The following CFAP20DC variants were observed in gnomAD, a reference collection of about 807,000 sequenced individuals.
The protein encoded by CFAP20DC is CFAP20 domain containing, also known as protein CFAP20DC.
CFAP20DC carries 84 observed loss-of-function variants against 101.7 expected under a neutral mutation model. That is an observed-to-expected ratio of 0.83 (90% CI 0.69 to 0.99). The LOEUF is 0.99. CFAP20DC is among the 50% of genes least tolerant of loss of function. The pLI, the probability that CFAP20DC is intolerant of heterozygous loss-of-function variation, is 0.00. For synonymous variants in CFAP20DC, 359 were observed against 351.2 expected (o/e 1.02, Z -0.25); for missense variants, 1,007 against 970.3 (o/e 1.04, Z -0.50).
At chr3:58,946,718 C>T (rs990068526) in intron 4 of CFAP20DC, among the ~76,000 whole-genome samples, 3 of 151,892 alleles carry the variant, frequency 2.0e-5, no homozygotes, top group African/African-American at 4.8e-5. Flanking sequence ...CGAATTGGTA[C>T]AAGAGGAAGA....
chr3:59,003,834 G>T (rs2093369758), intron 4 of CFAP20DC, among the ~76,000 whole-genome samples: 1 of 152,154 alleles, frequency 6.6e-6, no homozygotes, highest in Non-Finnish European at 1.5e-5. Context: ...CATACAATAG[G>T]ATGAAGGTTT....
chr3:58,746,308 C>A (rs2068202853), intron 16 of CFAP20DC, among the ~76,000 whole-genome samples: 1 of 152,142 alleles, frequency 6.6e-6, no homozygotes, highest in South Asian at 2.1e-4. Flanking sequence ...CAGGGACCTG[C>A]CATTGGATTC....
rs867078108 is a variant in CFAP20DC at position 58,808,856 on chromosome 3, G to C, written c.2176-2400C>G. ...AGAGACACACATAGGCTCAAAATAA[G>C]AGGATGGAGGAAGATCTACCAAGCA... On this transcript the variant is annotated intron_variant, in intron 14 of 16. Transcript: ENST00000482387. Among the ~76,000 whole-genome samples, 16 of 152,066 alleles carry C rather than the reference G, an allele frequency of 1.1e-4. 1 individual carries two copies. Among genetic ancestry groups the C allele is most frequent in the Non-Finnish European group, 1.5e-5 (1 of 68,016 alleles).
rs1576716668 is a variant in CFAP20DC, at chr3:59,014,320, T to C, written c.278+25237A>G. On this transcript the variant is annotated intron_variant, in intron 4 of 16. Transcript: ENST00000482387. This position sits in a 1 kb window ranked among gnomAD's most constrained non-coding sequence, Gnocchi z 4.9. ...GGAAGAAATGTATCATAAAACATAA[T>C]GTGAAGCTACTTAAAAATAATAAAA... 6.6e-6 allele frequency among the ~76,000 whole-genome samples: 1 copy of C among 152,266 alleles called. No homozygotes were observed. Among genetic ancestry groups the C allele is most frequent in the African/African-American group, 2.4e-5 (1 of 41,560 alleles).
At chr3:58,760,748 T>A (rs947226434) in intron 15 of CFAP20DC, among the ~76,000 whole-genome samples, 2 of 152,066 alleles carry the variant, frequency 1.3e-5, no homozygotes, top group African/African-American at 4.8e-5. Context: ...GCATGAAGGG[T>A]TGTTGAATTT....
At chr3:58,765,490 C>CAAAAAAAAAAAAAAAAAAAAAAAGA (rs1337049385) in intron 15 of CFAP20DC, among the ~76,000 whole-genome samples, 2 of 81,808 alleles carry the variant, frequency 2.4e-5, no homozygotes, top group Non-Finnish European at 5.0e-5. Context: ...AAAAAAAAAC[C>CAAAAAAAAAAAAAAAAAAAAAAAGA]AAAAAAAAAA....
chr3:58,930,823 C>T (rs1576352654), intron 5 of CFAP20DC, among the ~76,000 whole-genome samples: 1 of 152,202 alleles, frequency 6.6e-6, no homozygotes, highest in African/African-American at 2.4e-5. Context: ...CTCCGGTCTA[C>T]AGCTCCCAGC....
Position 58,873,550 on chromosome 3 carries a change from C to T in CFAP20DC, c.716-3241G>A, listed in dbSNP as rs182316290. On this transcript the variant is annotated intron_variant, in intron 7 of 16. Transcript: ENST00000482387. ...ATCAGCTATGCTGGATGGTATAAGG[C>T]GGGTGCTCAAGCAGAAGTCTGGATA... Among the ~76,000 whole-genome samples the T allele has an allele frequency of 5.4e-4, 79 of 145,574 alleles. 1 individual carries two copies. The highest frequency in any genetic ancestry group is 2.0e-3 in the African/African-American group (77 of 38,724).
intron 4 of CFAP20DC, among the ~76,000 whole-genome samples, chr3:58,950,338 A>G (rs1328166915): frequency 2.6e-5 from 4 of 152,234 alleles, no homozygotes; most frequent in African/African-American, 2.4e-5. Flanking sequence ...ATACTGCCCA[A>G]GGTAATTTAT....
Position 58,868,151 on chromosome 3 carries a change from T to C in CFAP20DC, c.1016-215A>G, listed in dbSNP as rs1244229090. ...AGGCTTTCAAAATTACTGAAACACT[T>C]TATTCATGTAATATAACCTTATAGA... On this transcript the variant is annotated intron_variant, in intron 9 of 16. Coordinates refer to ENST00000482387, the MANE Select transcript of CFAP20DC (RefSeq NM_001394063.1). The surrounding 1 kb of genome is among the most constrained non-coding windows in gnomAD (Gnocchi z 4.6). Among the ~76,000 whole-genome samples the C allele has an allele frequency of 6.6e-6, 1 of 152,196 alleles. No individual in the cohort carries two copies. The highest frequency in any genetic ancestry group is 2.4e-5 in the African/African-American group (1 of 41,448).
At chr3:58,772,638 A>T (rs1022772928) in intron 15 of CFAP20DC, among the ~76,000 whole-genome samples, 1 of 152,198 alleles carries the variant, frequency 6.6e-6, no homozygotes, top group African/African-American at 2.4e-5. Flanking sequence ...GATGTTTATT[A>T]CAGCACTGTC....
At chr3:58,814,513 T>A (rs12638612) in intron 14 of CFAP20DC, among the ~76,000 whole-genome samples, 1 of 150,746 alleles carries the variant, frequency 6.6e-6, no homozygotes, top group Non-Finnish European at 1.5e-5. Flanking sequence ...CCAGGGCAAT[T>A]AGGCAGGAGA....
At chr3:58,818,554 A>G (rs997238050) in intron 14 of CFAP20DC, among the ~76,000 whole-genome samples, 35 of 149,860 alleles carry the variant, frequency 2.3e-4, no homozygotes, top group African/African-American at 7.8e-4. Context: ...AGGCCATTAC[A>G]TAATGGTAAA....
At chr3:58,803,555 G>A (rs1001170215) in intron 15 of CFAP20DC, among the ~76,000 whole-genome samples, 24 of 152,164 alleles carry the variant, frequency 1.6e-4, no homozygotes, top group African/African-American at 4.3e-4. Context: ...AATTATATGC[G>A]TTACATGATT....
intron 4 of CFAP20DC, among the ~76,000 whole-genome samples, chr3:59,035,522 T>C (rs1256285700): frequency 7.2e-5 from 11 of 152,140 alleles, no homozygotes; most frequent in Admixed American, 3.3e-4. Context: ...TCACCACTGA[T>C]CCCACAGAAA....
chr3:58,753,400 G>A (rs1189540365), intron 16 of CFAP20DC, among the ~76,000 whole-genome samples: 1 of 152,132 alleles, frequency 6.6e-6, no homozygotes, highest in Non-Finnish European at 1.5e-5. Context: ...AATCGGGGAG[G>A]CACTAACTAT....
At chr3:58,843,809 G>C (rs1248650454) in intron 13 of CFAP20DC, among the ~76,000 whole-genome samples, 60 of 147,546 alleles carry the variant, frequency 4.1e-4, no homozygotes, top group African/African-American at 1.2e-3. Flanking sequence ...ACTAACAGCG[G>C]ATCTCTCGGC....
Position 58,861,826 on chromosome 3 carries a change from CA to C in CFAP20DC, c.1593+1731del. ...ACTGGTCACCTTGATGGGCATGGCACAGGGGTGACCAGATAGCCCTGCCAGT... is the reference window on the plus strand; with the variant it reads ...ACTGGTCACCTTGATGGGCATGGCACGGGGTGACCAGATAGCCCTGCCAGT... On this transcript the variant is annotated intron_variant, in intron 12 of 16. Coordinates refer to ENST00000482387, the MANE Select transcript of CFAP20DC (RefSeq NM_001394063.1). The surrounding 1 kb of genome is among the most constrained non-coding windows in gnomAD (Gnocchi z 4.0). 5.1e-6 allele frequency: 5 copies of C among 985,382 alleles called. No homozygotes were observed. Among genetic ancestry groups the C allele is most frequent in the Non-Finnish European group, 6.0e-6 (5 of 829,904 alleles). The allele number at this position is 985,382 out of a possible 1,614,324, so 61.0% of individuals were successfully genotyped here. A position where few individuals can be genotyped will look rare whatever the true frequency, so the allele number is the denominator to read the frequency against.
Position 58,827,687 on chromosome 3 carries a change from C to CT in CFAP20DC, c.2175+3998dup, listed in dbSNP as rs545313099. ...TCCCTGAAACCCACATGCGGAATCA[C>CT]TCCCTCTCACGTGTTCCCATAACTC... is the stretch of plus-strand genomic sequence containing the variant. On this transcript the variant is annotated intron_variant, in intron 14 of 16. Transcript: ENST00000482387. 2.6e-3 allele frequency among the ~76,000 whole-genome samples: 393 copies of CT among 152,318 alleles called. 12 individuals are homozygous for CT. Among genetic ancestry groups the CT allele is most frequent in the Admixed American group, 0.022 (344 of 15,294 alleles).
Sources: gnomAD v4.1 joint callset for allele counts (sites outside exome capture counted in the v4.1 genomes callset) on GRCh38, gnomAD v4.1.1 for gene constraint, Gnocchi (gnomAD v3.1) non-coding constraint, MANE v1.5 for transcripts, NCBI Gene and HGNC (gene_info 2026-07-23, HGNC 2026-07-21) for gene names.